Variants in LGALS8 observed in about 807,000 individuals in gnomAD.
LGALS8 encodes the protein galectin 8.
Under a neutral mutation model 35.9 loss-of-function variants are expected in LGALS8, and 30 were observed. That is an observed-to-expected ratio of 0.83 (90% CI 0.62 to 1.13). The LOEUF is 1.13. LGALS8 is among the 50% of genes most tolerant of loss of function. The pLI is 0.00. For missense variants in LGALS8, 366 were observed against 388.7 expected (o/e 0.94, Z 0.49); for synonymous variants, 138 against 136.1 (o/e 1.01, Z -0.10).
rs1275564827 is a variant in LGALS8, at chr1:236,548,733, T to C, written c.*572T>C. 2.6e-6 allele frequency: 1 copy of C among 390,146 alleles called. No individual in the cohort carries two copies. The highest frequency in any genetic ancestry group is 2.1e-5 in the African/African-American group (1 of 48,316). The allele number at this position is 390,146 out of a possible 1,614,324, so 24.2% of individuals were successfully genotyped here. A position where few individuals can be genotyped will look rare whatever the true frequency, so the allele number is the denominator to read the frequency against. Reference sequence around the variant, plus strand: ...GTGATCACTGTCATAACCAGTGCTCTACCGTATCCCATCACTGAGGACTGA... The same window carrying C: ...GTGATCACTGTCATAACCAGTGCTCCACCGTATCCCATCACTGAGGACTGA... On this transcript the variant is annotated 3_prime_UTR_variant, in exon 10 of 10. Coordinates refer to ENST00000366584, the MANE Select transcript of LGALS8 (RefSeq NM_201544.4).
rs1291389772 is a variant in LGALS8, at chr1:236,551,683, T to C, written c.*3522T>C. The C allele has an allele frequency of 4.5e-6, 1 of 221,082 alleles. No homozygotes were observed. Among genetic ancestry groups the C allele is most frequent in the African/African-American group, 2.3e-5 (1 of 43,582 alleles). 13.7% of individuals were successfully genotyped at this position (221,082 alleles called of 1,614,324 possible). A position where few individuals can be genotyped will look rare whatever the true frequency, so the allele number is the denominator to read the frequency against. On this transcript the variant is annotated 3_prime_UTR_variant, in exon 10 of 10. Coordinates refer to ENST00000366584, the MANE Select transcript of LGALS8 (RefSeq NM_201544.4). ...CCAAAACTTCAATCATATAAATGTA[T>C]GAGGTTAATTAAAAACACTACTGTA...
intron 9 of LGALS8, 22 bp from the exon 10 acceptor site, chr1:236,547,990 G>T: frequency 6.3e-7 from 1 of 1,599,294 alleles, no homozygotes; most frequent in South Asian, 1.1e-5. Context: ...AACCACTAAT[G>T]GCATGTATCC....
intron 2 of LGALS8, 140 bp from the exon 3 acceptor site, chr1:236,537,357 G>T: frequency 1.6e-6 from 1 of 610,692 alleles, no homozygotes. Flanking sequence ...AGATGACTTG[G>T]AAAATGCTGG....
At chr1:236,523,891 G>T, upstream of LGALS8, 1 of 346,224 alleles carries the variant, frequency 2.9e-6, no homozygotes, top group Non-Finnish European at 5.7e-6. Context: ...GGCGGGGCGC[G>T]GGGAGGGTGG....
intron 9 of LGALS8, among the ~76,000 whole-genome samples, chr1:236,546,352 G>A (rs1011663128): frequency 7.2e-5 from 11 of 152,262 alleles, no homozygotes; most frequent in South Asian, 2.1e-4. Flanking sequence ...GGTCCTTTCC[G>A]GGGGCTTCCA....
chr1:236,539,195 A>G, intron 4 of LGALS8, 106 bp downstream of exon 4: 1 of 923,874 alleles, frequency 1.1e-6, no homozygotes, highest in Non-Finnish European at 1.7e-6. Flanking sequence ...CACCTGAGAT[A>G]TAGTTTGTTT....
At chr1:236,543,834 C>T (rs942183972) in intron 8 of LGALS8, among the ~76,000 whole-genome samples, 186 bp downstream of exon 8, 1 of 152,076 alleles carries the variant, frequency 6.6e-6, no homozygotes, top group Non-Finnish European at 1.5e-5. Flanking sequence ...CGACTAAGGC[C>T]GTGTTCTGAC....
Position 236,526,539 on chromosome 1 carries a change from G to C in LGALS8, c.45+424G>C. 6.3e-6 allele frequency: 1 copy of C among 157,790 alleles called. No individual in the cohort carries two copies. The highest frequency in any genetic ancestry group is 1.4e-5 in the Non-Finnish European group (1 of 71,424). The allele number at this position is 157,790 out of a possible 1,614,324, so 9.8% of individuals were successfully genotyped here. A position where few individuals can be genotyped will look rare whatever the true frequency, so the allele number is the denominator to read the frequency against. On this transcript the variant is annotated intron_variant, in intron 2 of 9. Transcript: ENST00000366584. The surrounding 1 kb of genome is among the most constrained non-coding windows in gnomAD (Gnocchi z 4.6). ...GCCTTTCAAATACTGCTTGGCCCTTGAGCAGGGAAAATGTCAAAAGCCAAT... is the reference window on the plus strand; with the variant it reads ...GCCTTTCAAATACTGCTTGGCCCTTCAGCAGGGAAAATGTCAAAAGCCAAT...
chr1:236,530,012 A>G (rs1473551108), intron 2 of LGALS8, among the ~76,000 whole-genome samples: 2 of 152,230 alleles, frequency 1.3e-5, no homozygotes, highest in African/African-American at 4.8e-5. Flanking sequence ...TCTTTACTTC[A>G]TACCAGGAAT....
At chr1:236,542,703 TTATAAAC>T in intron 6 of LGALS8, 51 bp from the exon 7 acceptor site, 1 of 1,582,122 alleles carries the variant, frequency 6.3e-7, no homozygotes, top group Non-Finnish European at 8.7e-7. Flanking sequence ...AGACTTCAGA[TTATAAAC>T]TATAATTCTT....
At chr1:236,547,908 T>C (rs895303962) in intron 9 of LGALS8, 104 bp from the exon 10 acceptor site, 3 of 1,025,936 alleles carry the variant, frequency 2.9e-6, no homozygotes, top group African/African-American at 1.6e-5. Flanking sequence ...GCTGGAACTT[T>C]TCTATGTATA....
chr1:236,542,528 A>C, intron 6 of LGALS8: 1 of 567,574 alleles, frequency 1.8e-6, no homozygotes. Context: ...TTTATGGTGG[A>C]GGATAAAGGA....
At chr1:236,540,289 G>GGCGCACACAAGCAC (rs1661887650) in intron 4 of LGALS8, 5 of 321,566 alleles carry the variant, frequency 1.6e-5, no homozygotes, top group Non-Finnish European at 2.2e-5. Flanking sequence ...TGTATGCAGA[G>GGCGCACACAAGCAC]GCGCACACAA....
upstream of LGALS8, chr1:236,522,947 G>A (rs1056658323): frequency 6.6e-6 from 1 of 152,180 alleles, no homozygotes; most frequent in African/African-American, 2.4e-5. Context: ...AAGCCAGGGA[G>A]GAGAAAGCCC....
At position 236,550,834 on chromosome 1, in the gene LGALS8, C is replaced by T. The variant is rs1048763159; in HGVS notation, c.*2673C>T. 166 of 1,251,596 alleles carry T rather than the reference C, an allele frequency of 1.3e-4. 1 individual carries two copies. In the East Asian group the frequency reaches 3.9e-3, roughly 29 times the overall value. 77.5% of individuals were successfully genotyped at this position (1,251,596 alleles called of 1,614,324 possible). On this transcript the variant is annotated 3_prime_UTR_variant, in exon 10 of 10. Transcript: ENST00000366584. Reference sequence around the variant, plus strand: ...GCACCAAAAGTAACATGGCACCCAACACCCAAAAATAAAAATATGAAATAT... The same window carrying T: ...GCACCAAAAGTAACATGGCACCCAATACCCAAAAATAAAAATATGAAATAT...
At position 236,552,069 on chromosome 1, in the gene LGALS8, A is replaced by T; in HGVS notation, c.*3908A>T. ...CAATATAATTCTCCTTTAGTTTTTC[A>T]GCCAGTGCTAACACAGTAATCAAAG... is the stretch of plus-strand genomic sequence containing the variant. On this transcript the variant is annotated 3_prime_UTR_variant, in exon 10 of 10. Transcript: ENST00000366584. 1 of 1,613,622 alleles carries T rather than the reference A, an allele frequency of 6.2e-7. No homozygotes were observed. Among genetic ancestry groups the T allele is most frequent in the Non-Finnish European group, 8.5e-7 (1 of 1,179,764 alleles).
chr1:236,535,859 TTTGTTGCCTCTCCTCTGTA>T (rs761959265), intron 2 of LGALS8, among the ~76,000 whole-genome samples: 1 of 152,256 alleles, frequency 6.6e-6, no homozygotes, highest in Non-Finnish European at 1.5e-5. Flanking sequence ...CAGCAGCTGC[TTTGTTGCCTCTCCTCTGTA>T]TGTGTGAGGC....
chr1:236,549,322 C>T lies in LGALS8; in HGVS notation c.*1161C>T, dbSNP rs1662604610. 2 of 210,730 alleles carry T rather than the reference C, an allele frequency of 9.5e-6. No homozygotes were observed. The highest frequency in any genetic ancestry group is 9.8e-5 in the East Asian group (1 of 10,230). The allele number at this position is 210,730 out of a possible 1,614,324, so 13.1% of individuals were successfully genotyped here. A position where few individuals can be genotyped will look rare whatever the true frequency, so the allele number is the denominator to read the frequency against. ...ATTTGAGGGGAGTTGGCAGAAGTTC[C>T]ATGTATATGGGATCTTTACAGGTCA... On this transcript the variant is annotated 3_prime_UTR_variant, in exon 10 of 10. Transcript: ENST00000366584.
At chr1:236,542,611 T>C (rs1239269129) in intron 6 of LGALS8, 150 bp from the exon 7 acceptor site, 1 of 766,124 alleles carries the variant, frequency 1.3e-6, no homozygotes, top group East Asian at 2.5e-5. Context: ...CATTCCGTCA[T>C]AAAGCACCAG....
Sources: allele counts gnomAD v4.1 joint callset (sites outside exome capture counted in the v4.1 genomes callset), GRCh38; gene constraint gnomAD v4.1.1; non-coding constraint Gnocchi (gnomAD v3.1); transcripts MANE v1.5; gene names NCBI Gene and HGNC (gene_info 2026-07-23, HGNC 2026-07-21).